The following OCA2 variants were observed in gnomAD, a reference collection of about 807,000 sequenced individuals.
OCA2 encodes P protein.
A neutral mutation model predicts 100.2 loss-of-function variants in OCA2; 77 were observed. The ratio of observed to expected loss-of-function variants is 0.77; its 90% CI spans 0.64 to 0.93. The LOEUF (loss-of-function observed/expected upper bound fraction) is 0.93, where lower values mean the gene tolerates loss of function less well. OCA2 is among the 40% of genes least tolerant of loss of function. OCA2 has a pLI of 0.00. For missense variants in OCA2, 1,062 were observed against 1,089.1 expected (o/e 0.98, Z 0.35); for synonymous variants, 432 against 439.2 (o/e 0.98, Z 0.21).
intron 23 of OCA2, among the ~76,000 whole-genome samples, chr15:27,787,483 C>G (rs1342978203): frequency 6.6e-6 from 1 of 152,026 alleles, no homozygotes; most frequent in Non-Finnish European, 1.5e-5. Flanking sequence ...TAAATTGTGA[C>G]TTTCTACACA....
intron 2 of OCA2, among the ~76,000 whole-genome samples, chr15:28,058,488 G>A (rs974946693): frequency 2.8e-5 from 4 of 143,220 alleles, no homozygotes; most frequent in Admixed American, 1.4e-4. Context: ...CTGGCCACCT[G>A]GCTCAGGCCC....
intron 23 of OCA2, among the ~76,000 whole-genome samples, chr15:27,819,989 A>G (rs2034444464): frequency 6.6e-6 from 1 of 152,212 alleles, no homozygotes; most frequent in African/African-American, 2.4e-5. Flanking sequence ...AACAAGCACG[A>G]TGTTAGCGGC....
At chr15:27,804,478 G>A (rs184235667) in intron 23 of OCA2, among the ~76,000 whole-genome samples, 3 of 152,288 alleles carry the variant, frequency 2.0e-5, no homozygotes, top group Admixed American at 1.3e-4. Flanking sequence ...GCCCTATTTC[G>A]CGTGGATGGA....
At chr15:27,889,159 G>T (rs1351910178) in intron 19 of OCA2, among the ~76,000 whole-genome samples, 2 of 152,174 alleles carry the variant, frequency 1.3e-5, no homozygotes, top group Non-Finnish European at 1.5e-5. Context: ...GTAACCAAAA[G>T]GTTGGGATAC....
At chr15:27,953,572 C>T (rs2040109280) in intron 17 of OCA2, among the ~76,000 whole-genome samples, 3 of 152,128 alleles carry the variant, frequency 2.0e-5, no homozygotes, top group East Asian at 1.9e-4. Flanking sequence ...TCCCTGAGGT[C>T]GCAGCAACCA....
intron 2 of OCA2, among the ~76,000 whole-genome samples, chr15:28,064,066 A>G (rs964164733): frequency 6.6e-6 from 1 of 152,128 alleles, no homozygotes; most frequent in Non-Finnish European, 1.5e-5. Flanking sequence ...TTTGCCAGAT[A>G]TAGAATTTTT....
At chr15:27,821,942 C>T (rs780118370) in intron 23 of OCA2, among the ~76,000 whole-genome samples, 2 of 152,188 alleles carry the variant, frequency 1.3e-5, no homozygotes, top group African/African-American at 2.4e-5. Context: ...GATCTGGCAA[C>T]TTAACTCTCT....
At chr15:27,782,067 A>G (rs1409594660) in intron 23 of OCA2, among the ~76,000 whole-genome samples, 2 of 152,152 alleles carry the variant, frequency 1.3e-5, no homozygotes, top group Non-Finnish European at 2.9e-5. Flanking sequence ...AATGAACCCA[A>G]TCCTTCTCTT....
intron 2 of OCA2, among the ~76,000 whole-genome samples, chr15:28,079,239 T>C (rs2044534615): frequency 6.6e-6 from 1 of 152,106 alleles, no homozygotes; most frequent in South Asian, 2.1e-4. Context: ...TCCACATACC[T>C]GAGACTCCCA....
chr15:28,007,382 A>G (rs1273237699), intron 9 of OCA2, among the ~76,000 whole-genome samples: 1 of 152,260 alleles, frequency 6.6e-6, no homozygotes, highest in Non-Finnish European at 1.5e-5. Context: ...TGCAAAGTGC[A>G]AGAGTTAGGA....
intron 2 of OCA2, among the ~76,000 whole-genome samples, chr15:28,055,707 G>A (rs536741213): frequency 6.6e-6 from 1 of 152,196 alleles, no homozygotes; most frequent in African/African-American, 2.4e-5. Context: ...AAGCCCACCT[G>A]AGCAGGGAAG....
At chr15:28,042,303 A>G (rs1337516585) in intron 2 of OCA2, among the ~76,000 whole-genome samples, 1 of 152,102 alleles carries the variant, frequency 6.6e-6, no homozygotes, top group Non-Finnish European at 1.5e-5. Flanking sequence ...ATTTCTAGCT[A>G]TTCTATGAAA....
At chr15:27,879,126 G>A (rs189613995) in intron 19 of OCA2, among the ~76,000 whole-genome samples, 1 of 152,158 alleles carries the variant, frequency 6.6e-6, no homozygotes, top group East Asian at 1.9e-4. Context: ...CTGTTCCTGT[G>A]CTAACTTGCC....
intron 23 of OCA2, among the ~76,000 whole-genome samples, chr15:27,811,709 T>C (rs1316278992): frequency 6.6e-6 from 1 of 152,212 alleles, no homozygotes; most frequent in African/African-American, 2.4e-5. Flanking sequence ...GGGTTGGCAG[T>C]GTCCATGTGC....
intron 23 of OCA2, among the ~76,000 whole-genome samples, chr15:27,840,049 T>C (rs901044607): frequency 6.6e-6 from 1 of 152,142 alleles, no homozygotes; most frequent in African/African-American, 2.4e-5. Flanking sequence ...GCATTATATA[T>C]TAAACTCCAT....
At chr15:28,098,229 G>C (rs1442655916) in intron 1 of OCA2, among the ~76,000 whole-genome samples, 1 of 152,240 alleles carries the variant, frequency 6.6e-6, no homozygotes, top group African/African-American at 2.4e-5. Flanking sequence ...AGAACAAGCA[G>C]TTTTTGTGCA....
At chr15:27,866,913 T>C (rs1187585899) in intron 21 of OCA2, among the ~76,000 whole-genome samples, 1 of 152,056 alleles carries the variant, frequency 6.6e-6, no homozygotes, top group Non-Finnish European at 1.5e-5. Flanking sequence ...GTCTGGAGAA[T>C]TTGGAGGAGA....
intron 17 of OCA2, 35 bp from the exon 18 acceptor site, chr15:27,951,927 A>G (rs181624981): frequency 7.8e-6 from 11 of 1,418,958 alleles, no homozygotes; most frequent in Middle Eastern, 1.8e-4. Flanking sequence ...TTTACTCTGC[A>G]CAACCTTCTG....
intron 18 of OCA2, among the ~76,000 whole-genome samples, chr15:27,951,552 A>G (rs983008510): frequency 7.9e-5 from 12 of 151,778 alleles, no homozygotes; most frequent in African/African-American, 2.2e-4. Context: ...GACCCATGGC[A>G]CAGAGTCTAA....
Sources: gnomAD v4.1 joint callset for allele counts (sites outside exome capture counted in the v4.1 genomes callset) on GRCh38, gnomAD v4.1.1 for gene constraint, MANE v1.5 for transcripts, NCBI Gene and HGNC (gene_info 2026-07-23, HGNC 2026-07-21) for gene names.